The following AUTS2 variants were observed in gnomAD, a reference collection of about 807,000 sequenced individuals.
AUTS2 encodes the protein autism susceptibility gene 2 protein.
A neutral mutation model predicts 112.4 loss-of-function variants in AUTS2; 17 were observed. The ratio of observed to expected loss-of-function variants is 0.15; its 90% CI spans 0.10 to 0.23. AUTS2 has a LOEUF of 0.23. AUTS2 is among the 10% of genes least tolerant of loss of function. The probability of loss-of-function intolerance (pLI) is 1.00; values close to 1 mark genes in which losing one functional copy is unlikely to be tolerated. For missense variants in AUTS2, 1,510 were observed against 1,701.6 expected (o/e 0.89, Z 1.98); for synonymous variants, 751 against 702.7 (o/e 1.07, Z -1.09).
chr7:69,710,304 G>A (rs1010010087), intron 1 of AUTS2, among the ~76,000 whole-genome samples: 43 of 152,140 alleles, frequency 2.8e-4, no homozygotes, highest in African/African-American at 1.0e-3. Context: ...TTGTTGGCTA[G>A]TTTTCCAAAA....
intron 2 of AUTS2, among the ~76,000 whole-genome samples, chr7:70,089,825 A>G (rs1484012657): frequency 6.6e-6 from 1 of 151,808 alleles, no homozygotes; most frequent in African/African-American, 2.4e-5. Context: ...CCTGTCCAAC[A>G]TGGCGAAACC....
At chr7:70,328,123 T>C (rs143900744) in intron 4 of AUTS2, among the ~76,000 whole-genome samples, 2 of 152,330 alleles carry the variant, frequency 1.3e-5, no homozygotes, top group East Asian at 1.9e-4. Context: ...CCTTCTAATA[T>C]ATTAGATTTA....
At chr7:69,659,466 T>C (rs78352320) in intron 1 of AUTS2, among the ~76,000 whole-genome samples, 1 of 151,798 alleles carries the variant, frequency 6.6e-6, no homozygotes, top group South Asian at 2.1e-4. Flanking sequence ...TTTTTTTTTT[T>C]TCAAAACGCC....
rs766272166 is a variant in AUTS2 at position 70,433,706 on chromosome 7, C to T, written c.661-2046C>T. 4.5e-4 allele frequency among the ~76,000 whole-genome samples: 68 copies of T among 152,162 alleles called. 1 individual carries two copies. The highest frequency in any genetic ancestry group is 2.1e-3 in the Admixed American group (32 of 15,282). Reference sequence around the variant, plus strand: ...ATCGCTGTCACTGAATATCTGACTACCCTGTGGCACTGAGGAGCCAATGGG... The same window carrying T: ...ATCGCTGTCACTGAATATCTGACTATCCTGTGGCACTGAGGAGCCAATGGG... On this transcript the variant is annotated intron_variant, in intron 4 of 18. Transcript: ENST00000342771.
At chr7:70,453,221 C>T (rs915706739) in intron 5 of AUTS2, among the ~76,000 whole-genome samples, 2 of 152,202 alleles carry the variant, frequency 1.3e-5, no homozygotes, top group Non-Finnish European at 2.9e-5. Context: ...CATTAATTCA[C>T]TGCCAATGAA....
At chr7:70,125,964 T>G (rs1456695627) in intron 3 of AUTS2, among the ~76,000 whole-genome samples, 1 of 152,186 alleles carries the variant, frequency 6.6e-6, no homozygotes, top group African/African-American at 2.4e-5. Flanking sequence ...ATTTTAGTGA[T>G]ATTTTTAGGA....
chr7:70,147,743 G>A (rs565310136), intron 4 of AUTS2, among the ~76,000 whole-genome samples: 1 of 152,024 alleles, frequency 6.6e-6, no homozygotes, highest in Admixed American at 6.6e-5. Flanking sequence ...ATCTCCTATT[G>A]CACTTTTAAA....
intron 4 of AUTS2, among the ~76,000 whole-genome samples, chr7:70,343,322 T>G (rs1791355526): frequency 6.6e-6 from 1 of 152,224 alleles, no homozygotes; most frequent in African/African-American, 2.4e-5. Flanking sequence ...AGGCTCATTT[T>G]ATTGCTTTGA....
At chr7:70,335,162 T>C (rs1339251810) in intron 4 of AUTS2, among the ~76,000 whole-genome samples, 5 of 152,214 alleles carry the variant, frequency 3.3e-5, no homozygotes, top group Admixed American at 6.5e-5. Context: ...CTTTCTTATA[T>C]TGAGCATGTG....
rs574373107 is a variant in AUTS2, at chr7:69,745,372, A to G, written c.309+145410A>G. Among the ~76,000 whole-genome samples, 50 of 152,298 alleles carry G rather than the reference A, an allele frequency of 3.3e-4. 1 individual carries two copies. The highest frequency in any genetic ancestry group is 1.2e-3 in the African/African-American group (49 of 41,570). ...ATTTACAGATGGAGCAGATGCCAGT[A>G]TGTTCCATTGCCCTATTCTGGAGTA... On this transcript the variant is annotated intron_variant, in intron 1 of 18. Coordinates refer to ENST00000342771, the MANE Select transcript of AUTS2 (RefSeq NM_015570.4).
chr7:70,613,166 C>G (rs1338684885), intron 5 of AUTS2, among the ~76,000 whole-genome samples: 1 of 151,716 alleles, frequency 6.6e-6, no homozygotes, highest in Non-Finnish European at 1.5e-5. Context: ...TGGAGCTGCT[C>G]ATTAAAGACA....
chr7:70,198,274 C>T (rs866426918), intron 4 of AUTS2, among the ~76,000 whole-genome samples: 210 of 149,684 alleles, frequency 1.4e-3, no homozygotes, highest in Middle Eastern at 7.1e-3. Flanking sequence ...AACTCTAAAA[C>T]GCAGAGCGCC....
chr7:70,340,163 A>AACACACAAACACACACACACACACACAC (rs1791192510), intron 4 of AUTS2, among the ~76,000 whole-genome samples: 9 of 144,680 alleles, frequency 6.2e-5, no homozygotes, highest in Non-Finnish European at 1.5e-5. Flanking sequence ...TATGGAGAGA[A>AACACACAAACACACACACACACACACAC]ACACACACAC....
At chr7:70,599,739 C>T (rs1034292447) in intron 5 of AUTS2, among the ~76,000 whole-genome samples, 1 of 152,112 alleles carries the variant, frequency 6.6e-6, no homozygotes, top group African/African-American at 2.4e-5. Flanking sequence ...GCAATACAGG[C>T]CCAGTGACAG....
intron 5 of AUTS2, among the ~76,000 whole-genome samples, chr7:70,667,955 A>G (rs554710502): frequency 1.3e-5 from 2 of 152,278 alleles, no homozygotes; most frequent in South Asian, 4.1e-4. Context: ...GTCTCCCTAA[A>G]ATGCACATTC....
At chr7:69,827,749 T>C (rs1284857606) in intron 1 of AUTS2, among the ~76,000 whole-genome samples, 3 of 152,244 alleles carry the variant, frequency 2.0e-5, no homozygotes, top group African/African-American at 7.2e-5. Context: ...AGGGTTGTTC[T>C]GTTCCTTATT....
intron 4 of AUTS2, among the ~76,000 whole-genome samples, chr7:70,310,935 G>A (rs1287031288): frequency 1.3e-5 from 2 of 152,100 alleles, no homozygotes; most frequent in African/African-American, 2.4e-5. Context: ...AAAATGGCAA[G>A]CGTTTCTTAG....
chr7:69,614,684 A>G (rs537938591), intron 1 of AUTS2, among the ~76,000 whole-genome samples: 15 of 151,796 alleles, frequency 9.9e-5, no homozygotes, highest in African/African-American at 3.1e-4. Context: ...GGGTCTTGCA[A>G]TGTTACCCAG....
intron 4 of AUTS2, among the ~76,000 whole-genome samples, chr7:70,296,919 G>T (rs1351764266): frequency 6.8e-6 from 1 of 147,670 alleles, no homozygotes; most frequent in African/African-American, 2.5e-5. Context: ...ACAGCTCGCT[G>T]CAGCCTGGAC....
Sources: gnomAD v4.1 joint callset for allele counts (sites outside exome capture counted in the v4.1 genomes callset) on GRCh38, gnomAD v4.1.1 for gene constraint, MANE v1.5 for transcripts, NCBI Gene and HGNC (gene_info 2026-07-23, HGNC 2026-07-21) for gene names.